The following HIVEP3 variants were observed in gnomAD, a reference collection of about 807,000 sequenced individuals.
The protein encoded by HIVEP3 is HIVEP zinc finger 3, also known as transcription factor HIVEP3.
Under a neutral mutation model 152.8 loss-of-function variants are expected in HIVEP3, and 49 were observed. The ratio of observed to expected loss-of-function variants is 0.32; its 90% CI spans 0.26 to 0.41. The LOEUF is 0.41. Among genes scored for constraint, HIVEP3 ranks in the 10% least tolerant of loss-of-function variants. The probability of loss-of-function intolerance (pLI) is 1.00; values close to 1 mark genes in which losing one functional copy is unlikely to be tolerated. For synonymous variants in HIVEP3, 1,269 were observed against 1,289.0 expected, an observed-to-expected ratio of 0.98 and a Z score of 0.33; for missense variants, 2,790 against 3,103.3, an observed-to-expected ratio of 0.90 and a Z score of 2.40.
At chr1:41,996,758 G>A (rs1012329655) in intron 1 of HIVEP3, among the ~76,000 whole-genome samples, 4 of 152,140 alleles carry the variant, frequency 2.6e-5, no homozygotes, top group Admixed American at 2.6e-4. Context: ...CAGTTTGGGA[G>A]GTCAGAAGTC....
chr1:41,592,537 C>T (rs35103504), intron 3 of HIVEP3, among the ~76,000 whole-genome samples: 1 of 152,130 alleles, frequency 6.6e-6, no homozygotes. Flanking sequence ...TCAAAGTGAG[C>T]ATCCATCTAG....
chr1:41,574,649 G>C (rs886316405), intron 5 of HIVEP3, among the ~76,000 whole-genome samples: 7 of 152,226 alleles, frequency 4.6e-5, no homozygotes, highest in African/African-American at 1.7e-4. Context: ...CCCAGTGACA[G>C]CCATGTTGGC....
chr1:41,780,604 T>A (rs1390150999), intron 1 of HIVEP3, among the ~76,000 whole-genome samples: 7 of 152,296 alleles, frequency 4.6e-5, no homozygotes, highest in Admixed American at 1.3e-4. Context: ...GGGGAAAGGA[T>A]AAGGCAGGAC....
intron 2 of HIVEP3, among the ~76,000 whole-genome samples, chr1:41,651,136 G>A (rs759331647): frequency 6.6e-6 from 1 of 152,138 alleles, no homozygotes; most frequent in Non-Finnish European, 1.5e-5. Context: ...CCAGCTGGGC[G>A]CAGTAGCTCA....
chr1:41,713,065 A>G (rs1260248408), intron 1 of HIVEP3, among the ~76,000 whole-genome samples: 1 of 152,180 alleles, frequency 6.6e-6, no homozygotes, highest in Non-Finnish European at 1.5e-5. Context: ...TCAAAACTGG[A>G]TGCTGGGCCA....
At chr1:41,865,473 A>T (rs759473072) in intron 1 of HIVEP3, 1 of 152,302 alleles carries the variant, frequency 6.6e-6, no homozygotes, top group Admixed American at 6.5e-5. Flanking sequence ...GAGCTGTCAC[A>T]TCCCACACTG....
intron 1 of HIVEP3, among the ~76,000 whole-genome samples, chr1:41,793,577 T>C (rs1649818964): frequency 6.6e-6 from 1 of 152,196 alleles, no homozygotes; most frequent in Non-Finnish European, 1.5e-5. Context: ...TCACAAAATA[T>C]ATATTTAATG....
chr1:41,887,044 T>C (rs1644359204), intron 1 of HIVEP3, among the ~76,000 whole-genome samples: 1 of 150,780 alleles, frequency 6.6e-6, no homozygotes, highest in Non-Finnish European at 1.5e-5. Flanking sequence ...TCTGAAGCCA[T>C]GTTTTATGCA....
At chr1:41,870,247 A>G (rs997110527) in intron 1 of HIVEP3, among the ~76,000 whole-genome samples, 2 of 152,066 alleles carry the variant, frequency 1.3e-5, no homozygotes, top group Non-Finnish European at 2.9e-5. Context: ...TTCCCCAAAA[A>G]AAGCCCCCCA....
intron 1 of HIVEP3, among the ~76,000 whole-genome samples, chr1:41,992,969 C>A (rs1447661859): frequency 7.0e-6 from 1 of 143,458 alleles, no homozygotes; most frequent in African/African-American, 2.7e-5. Context: ...AAACTGGATC[C>A]CTTCCTTACA....
intron 1 of HIVEP3, among the ~76,000 whole-genome samples, chr1:41,750,995 TGAG>T (rs1317020815): frequency 0.02 from 3,005 of 152,224 alleles, 88 homozygotes; most frequent in African/African-American, 0.066. Flanking sequence ...ATTACAGGTG[TGAG>T]ACACCGCACC....
At chr1:41,952,045 C>T (rs1343249199) in intron 1 of HIVEP3, among the ~76,000 whole-genome samples, 1 of 152,198 alleles carries the variant, frequency 6.6e-6, no homozygotes, top group East Asian at 1.9e-4. Flanking sequence ...ATTCTGAAGG[C>T]AGCTTTCAAC....
chr1:41,583,203 G>T lies in HIVEP3; in HGVS notation c.1595C>A (p.Ala532Asp). Residue 532 changes from alanine (A) to aspartate (D), a missense_variant, in exon 4 of 9, where the codon GCC becomes GAC. By Grantham distance (126) the Ala-to-Asp change is moderately radical. Coordinates refer to ENST00000372583, the MANE Select transcript of HIVEP3 (RefSeq NM_024503.5). The surrounding 1 kb of genome is among the most constrained non-coding windows in gnomAD (Gnocchi z 6.9). ...LLSLQHPPST[A>D]PPVPLLRSHS... ...GCTTCTCAGGAGAGGCACAGGGGGG[G>T]CGGTACTGGGCGGGTGCTGGAGGCT... 6.2e-7 allele frequency: 1 copy of T among 1,606,516 alleles called. No individual in the cohort carries two copies.
chr1:41,717,474 CT>C (rs1367630638), intron 1 of HIVEP3, among the ~76,000 whole-genome samples: 2 of 152,100 alleles, frequency 1.3e-5, no homozygotes, highest in Non-Finnish European at 2.9e-5. Context: ...AGAGAAGGTG[CT>C]TGAGTTGATG....
At chr1:41,975,698 A>C (rs1397421988) in intron 1 of HIVEP3, among the ~76,000 whole-genome samples, 1 of 152,264 alleles carries the variant, frequency 6.6e-6, no homozygotes, top group Non-Finnish European at 1.5e-5. Context: ...GCATAATGCC[A>C]AGGCCGCTCT....
chr1:41,694,259 C>T (rs1357711446), intron 2 of HIVEP3, among the ~76,000 whole-genome samples: 1 of 152,132 alleles, frequency 6.6e-6, no homozygotes, highest in Non-Finnish European at 1.5e-5. Flanking sequence ...TTCTACTCAG[C>T]CCTGCAAGAG....
At chr1:41,626,746 A>G (rs1250645069) in intron 3 of HIVEP3, among the ~76,000 whole-genome samples, 2 of 152,172 alleles carry the variant, frequency 1.3e-5, no homozygotes. Context: ...GTGCCCCAGG[A>G]TGCCGAGCCA....
chr1:41,918,412 C>T lies in HIVEP3; in HGVS notation c.-801+1G>A, dbSNP rs1163304415. ...CCGAATAAAAACCCAGAGTCCCCTA[C>T]CTTCGGCCTTGGGATGGCAAACTGG... is the stretch of plus-strand genomic sequence containing the variant. On this transcript the variant is annotated splice_donor_variant, in intron 1 of 8. Transcript: ENST00000372583. LOFTEE classifies it low-confidence loss of function (5UTR_SPLICE). The surrounding 1 kb of genome is among the most constrained non-coding windows in gnomAD (Gnocchi z 4.3). The T allele has an allele frequency of 6.6e-6, 1 of 152,248 alleles. No homozygotes were observed. The highest frequency in any genetic ancestry group is 2.4e-5 in the African/African-American group (1 of 41,448). 9.4% of individuals were successfully genotyped at this position (152,248 alleles called of 1,614,324 possible).
intron 5 of HIVEP3, among the ~76,000 whole-genome samples, chr1:41,569,266 A>G (rs1644217011): frequency 6.6e-6 from 1 of 152,234 alleles, no homozygotes; most frequent in South Asian, 2.1e-4. Context: ...AAGACTTTAA[A>G]GAGATATAAA....
Sources: allele counts gnomAD v4.1 joint callset (sites outside exome capture counted in the v4.1 genomes callset), GRCh38; gene constraint gnomAD v4.1.1; non-coding constraint Gnocchi (gnomAD v3.1); transcripts MANE v1.5; gene names NCBI Gene and HGNC (gene_info 2026-07-23, HGNC 2026-07-21).